The following ZNF146 variants were observed in gnomAD, a reference collection of about 807,000 sequenced individuals.
ZNF146 encodes zinc finger protein OZF.
Under a neutral mutation model 22.2 loss-of-function variants are expected in ZNF146, and 9 were observed. The observed-to-expected ratio is 0.41, with a 90% CI of 0.24 to 0.71. ZNF146 has a LOEUF of 0.71. Among genes scored for constraint, ZNF146 ranks in the 30% least tolerant of loss-of-function variants. The probability of loss-of-function intolerance (pLI) is 0.34; values close to 1 mark genes in which losing one functional copy is unlikely to be tolerated. For missense variants in ZNF146, 194 were observed against 344.8 expected, an observed-to-expected ratio of 0.56 and a Z score of 3.46; for synonymous variants, 108 against 119.2, an observed-to-expected ratio of 0.91 and a Z score of 0.61.
rs746103126 is a variant in ZNF146, at chr19:36,236,483, C to A, written c.43C>A (p.Pro15Thr). 24 of 1,613,030 alleles carry A rather than the reference C, an allele frequency of 1.5e-5. No individual in the cohort carries two copies. Among genetic ancestry groups the A allele is most frequent in the Non-Finnish European group, 1.9e-5 (22 of 1,179,616 alleles). ...SQQRIYSGEN[P>T]FACKVCGKVF... ...GCAGAGAATTTACAGTGGGGAAAACCCCTTTGCCTGTAAGGTATGTGGAAA... is the reference window on the plus strand; with the variant it reads ...GCAGAGAATTTACAGTGGGGAAAACACCTTTGCCTGTAAGGTATGTGGAAA... Residue 15 changes from proline to threonine, a missense_variant, in exon 4 of 4, where the codon CCC becomes ACC. Pro to Thr is a conservative substitution (Grantham distance 38). This residue lies in a region of ZNF146 where 47 missense variants were observed against 44.7 expected (regional missense o/e 1.05). Transcript: ENST00000443387.
intron 2 of ZNF146, among the ~76,000 whole-genome samples, chr19:36,223,587 TCTC>T (rs1285757905): frequency 6.6e-6 from 1 of 151,894 alleles, no homozygotes; most frequent in African/African-American, 2.4e-5. Flanking sequence ...ATGGTCTCGA[TCTC>T]CTGACCTCGT....
At chr19:36,228,019 G>C (rs929395835) in intron 2 of ZNF146, among the ~76,000 whole-genome samples, 1 of 152,036 alleles carries the variant, frequency 6.6e-6, no homozygotes, top group South Asian at 2.1e-4. Flanking sequence ...AATTAGCCAG[G>C]TGTGGTGGTA....
At chr19:36,220,922 G>T (rs1976809130) in intron 2 of ZNF146, among the ~76,000 whole-genome samples, 1 of 150,876 alleles carries the variant, frequency 6.6e-6, no homozygotes, top group Admixed American at 6.6e-5. Flanking sequence ...TGTGATCTTG[G>T]CTCACTTGCA....
chr19:36,234,751 T>C (rs1278543739), intron 3 of ZNF146, among the ~76,000 whole-genome samples: 3 of 152,160 alleles, frequency 2.0e-5, no homozygotes, highest in Non-Finnish European at 4.4e-5. Flanking sequence ...TTACCATATA[T>C]GTGGGTTTAA....
Position 36,237,928 on chromosome 19 carries a change from GC to G in ZNF146, c.*610del, listed in dbSNP as rs1356791071. 6.0e-6 allele frequency: 1 copy of G among 166,952 alleles called. No individual in the cohort carries two copies. The highest frequency in any genetic ancestry group is 2.4e-5 in the African/African-American group (1 of 41,444). 10.3% of individuals were successfully genotyped at this position (166,952 alleles called of 1,614,324 possible). A position where few individuals can be genotyped will look rare whatever the true frequency, so the allele number is the denominator to read the frequency against. ...AGATTAAAAACAGAAATATGGAAAA[GC>G]TATGTACTAAAATGCATATGACCTT... is the stretch of plus-strand genomic sequence containing the variant. On this transcript the variant is annotated 3_prime_UTR_variant, in exon 4 of 4. Transcript: ENST00000443387.
rs1313808224 is a variant in ZNF146, at chr19:36,237,913, CAG to C, written c.*596_*597del. 1.2e-5 allele frequency: 2 copies of C among 166,792 alleles called. No homozygotes were observed. The highest frequency in any genetic ancestry group is 6.6e-5 in the Admixed American group (1 of 15,258). 10.3% of individuals were successfully genotyped at this position (166,792 alleles called of 1,614,324 possible). A position where few individuals can be genotyped will look rare whatever the true frequency, so the allele number is the denominator to read the frequency against. Reference sequence around the variant, plus strand: ...CAAAAGTGAATCCAGAGATTAAAAACAGAAATATGGAAAAGCTATGTACTAAA... The same window carrying C: ...CAAAAGTGAATCCAGAGATTAAAAACAAATATGGAAAAGCTATGTACTAAA... On this transcript the variant is annotated 3_prime_UTR_variant, in exon 4 of 4. Coordinates refer to ENST00000443387, the MANE Select transcript of ZNF146 (RefSeq NM_007145.3).
intron 2 of ZNF146, among the ~76,000 whole-genome samples, chr19:36,222,774 G>T (rs1316801939): frequency 2.0e-5 from 2 of 102,484 alleles, no homozygotes; most frequent in Non-Finnish European, 4.0e-5. Flanking sequence ...GAAATGAGTG[G>T]TGGCTTTTTT....
intron 3 of ZNF146, among the ~76,000 whole-genome samples, chr19:36,232,659 A>T (rs893525640): frequency 1.5e-4 from 21 of 141,354 alleles, no homozygotes; most frequent in Non-Finnish European, 2.9e-4. Flanking sequence ...CCCAGGCTGG[A>T]GTGCAGTGGT....
intron 2 of ZNF146, among the ~76,000 whole-genome samples, chr19:36,222,545 C>G (rs1422586404): frequency 1.3e-5 from 2 of 152,102 alleles, no homozygotes; most frequent in Non-Finnish European, 2.9e-5. Context: ...AGTGTAGTGT[C>G]GAATATTTGG....
intron 1 of ZNF146, among the ~76,000 whole-genome samples, chr19:36,217,809 C>T (rs1488458938): frequency 2.0e-5 from 3 of 151,556 alleles, no homozygotes; most frequent in South Asian, 2.1e-4. Flanking sequence ...TGCTTGAACC[C>T]GGGAGGCGGA....
At chr19:36,221,934 T>TC (rs1367439047) in intron 2 of ZNF146, among the ~76,000 whole-genome samples, 1 of 127,572 alleles carries the variant, frequency 7.8e-6, no homozygotes, top group Non-Finnish European at 1.8e-5. Flanking sequence ...TTTCTTTTTT[T>TC]TTTTTTTTTT....
chr19:36,237,505 T>C lies in ZNF146; in HGVS notation c.*186T>C. The C allele has an allele frequency of 1.7e-6, 1 of 583,282 alleles. No homozygotes were observed. The highest frequency in any genetic ancestry group is 2.8e-6 in the Non-Finnish European group (1 of 359,196). The allele number at this position is 583,282 out of a possible 1,614,324, so 36.1% of individuals were successfully genotyped here. On this transcript the variant is annotated 3_prime_UTR_variant, in exon 4 of 4. Transcript: ENST00000443387. ...AGACATGCATATGATTAAAACCCTG[T>C]GTCCAACAGAGAAACCTGCAGCAGA...
Position 36,233,154 on chromosome 19 carries a change from G to A in ZNF146, c.-782-2505G>A, listed in dbSNP as rs558543105. On this transcript the variant is annotated intron_variant, in intron 3 of 3. Coordinates refer to ENST00000443387, the MANE Select transcript of ZNF146 (RefSeq NM_007145.3). ...GTGCCAGCACTTGGGAGGCAGATAC[G>A]GGCAGATCACCAGATGTCAGGAGTT... 1.4e-4 allele frequency among the ~76,000 whole-genome samples: 21 copies of A among 152,278 alleles called. No individual in the cohort carries two copies. The South Asian group carries it at 4.4e-3, about 32-fold the overall frequency.
chr19:36,229,638 T>A (rs770563792), intron 3 of ZNF146, among the ~76,000 whole-genome samples: 6 of 152,248 alleles, frequency 3.9e-5, no homozygotes, highest in Non-Finnish European at 7.3e-5. Flanking sequence ...TTTTTCCTTT[T>A]CATATAAATG....
intron 2 of ZNF146, among the ~76,000 whole-genome samples, chr19:36,224,037 A>G (rs1976971557): frequency 6.6e-6 from 1 of 152,092 alleles, no homozygotes; most frequent in Non-Finnish European, 1.5e-5. Context: ...ATATGCATCC[A>G]GCTTTACCTT....
intron 2 of ZNF146, among the ~76,000 whole-genome samples, chr19:36,218,668 A>G (rs1361347746): frequency 6.6e-6 from 1 of 151,824 alleles, no homozygotes; most frequent in Non-Finnish European, 1.5e-5. Flanking sequence ...ATGGGGTTTC[A>G]CCGCGTTAGC....
At position 36,237,485 on chromosome 19, in the gene ZNF146, T is replaced by TG. The variant is rs1394470892; in HGVS notation, c.*167dup. 8 of 754,892 alleles carry TG rather than the reference T, an allele frequency of 1.1e-5. No homozygotes were observed. The East Asian group carries it at 2.0e-4, about 19-fold the overall frequency. 46.8% of individuals were successfully genotyped at this position (754,892 alleles called of 1,614,324 possible). On this transcript the variant is annotated 3_prime_UTR_variant, in exon 4 of 4. Coordinates refer to ENST00000443387, the MANE Select transcript of ZNF146 (RefSeq NM_007145.3). ...AAAATTTGTACTGAAGAGAAAGACA[T>TG]GCATATGATTAAAACCCTGTGTCCA...
At chr19:36,221,456 T>A (rs941253852) in intron 2 of ZNF146, among the ~76,000 whole-genome samples, 34 of 151,874 alleles carry the variant, frequency 2.2e-4, no homozygotes, top group African/African-American at 7.7e-4. Flanking sequence ...GCCCGGCTAA[T>A]TTTTTGTATT....
chr19:36,219,062 C>T (rs1286524840), intron 2 of ZNF146, among the ~76,000 whole-genome samples: 6 of 152,072 alleles, frequency 3.9e-5, no homozygotes, highest in African/African-American at 1.4e-4. Context: ...CCCACCTCGG[C>T]CTCCCAAAGT....
Sources: allele counts gnomAD v4.1 joint callset (sites outside exome capture counted in the v4.1 genomes callset), GRCh38; gene constraint gnomAD v4.1.1; regional missense constraint gnomAD v4.1.1; transcripts MANE v1.5; gene names NCBI Gene and HGNC (gene_info 2026-07-23, HGNC 2026-07-21).